The following OBSL1 variants were observed in gnomAD, a reference collection of about 807,000 sequenced individuals.
OBSL1 encodes obscurin-like protein 1.
A neutral mutation model predicts 172.0 loss-of-function variants in OBSL1; 160 were observed. The ratio of observed to expected loss-of-function variants is 0.93; its 90% confidence interval spans 0.82 to 1.06. OBSL1 has a LOEUF of 1.06. Among genes scored for constraint, OBSL1 ranks in the 50% least tolerant of loss-of-function variants. OBSL1 has a pLI of 0.00. For missense variants in OBSL1, 2,681 were observed against 2,715.4 expected, an observed-to-expected ratio of 0.99 and a Z score of 0.28; for synonymous variants, 1,200 against 1,196.3, an observed-to-expected ratio of 1.00 and a Z score of -0.06.
In OBSL1 at chr2:219,559,232, A is replaced by C. The variant is rs772148935; in HGVS notation, c.3219T>G (p.Thr1073=). 4 of 1,603,148 alleles carry C rather than the reference A, an allele frequency of 2.5e-6. No individual in the cohort carries two copies. Residue 1073 remains threonine, a synonymous_variant, in exon 9 of 21, where the codon ACT becomes ACG. Transcript: ENST00000404537. ...GCTGCAGAGACTGCCCACCTGTGAC[A>C]GTGACAGTGAAGAAGGCCGAGTCAT... ...AGDDSAFFTV[T]VTAPPERIVH... is the part of the protein sequence containing the mutation.
chr2:219,570,733 G>T lies in OBSL1; in HGVS notation c.500C>A (p.Ala167Asp). Residue 167 changes from alanine (A) to aspartate (D), a missense_variant, in exon 1 of 21, where the codon GCC becomes GAC. By Grantham distance (126) the Ala-to-Asp change is moderately radical. This residue lies in a region of OBSL1 where 706 missense variants were observed against 695.8 expected (regional missense o/e 1.01). Transcript: ENST00000404537. ...PTLYWEKDGMALDEVWDSSHF... is the reference protein window; with the variant it reads ...PTLYWEKDGMDLDEVWDSSHF... ...GCTGCTGTCCCACACTTCGTCCAGG[G>T]CCATCCCGTCCTTCTCCCAGTACAG... The T allele has an allele frequency of 6.6e-7, 1 of 1,510,676 alleles. No individual in the cohort carries two copies. The highest frequency in any genetic ancestry group is 8.8e-7 in the Non-Finnish European group (1 of 1,136,434). The allele number at this position is 1,510,676 out of a possible 1,614,324, so 93.6% of individuals were successfully genotyped here.
At chr2:219,561,840 AG>A in intron 8 of OBSL1, 1 of 716,524 alleles carries the variant, frequency 1.4e-6, no homozygotes, top group Non-Finnish European at 2.6e-6. Flanking sequence ...AATGGCAGGG[AG>A]GTGGGACAGA....
Position 219,571,271 on chromosome 2 carries a change from G to A in OBSL1, c.-39C>T. ...CGCCTGCAGCGGCGAACGGTGGGGG[G>A]GCAGGGGGGGGTGCGGAGGGCGAGC... On this transcript the variant is annotated 5_prime_UTR_variant, in exon 1 of 21. Transcript: ENST00000404537. 2 of 1,169,502 alleles carry A rather than the reference G, an allele frequency of 1.7e-6. No homozygotes were observed. The highest frequency in any genetic ancestry group is 2.2e-6 in the Non-Finnish European group (2 of 921,478). 72.4% of individuals were successfully genotyped at this position (1,169,502 alleles called of 1,614,324 possible).
At chr2:219,548,151 C>T, downstream of OBSL1, 1 of 1,367,002 alleles carries the variant, frequency 7.3e-7, no homozygotes, top group African/African-American at 1.4e-5. Context: ...GGCCAAGTGA[C>T]TGGGGAGTGG....
intron 19 of OBSL1, 137 bp from the exon 20 acceptor site, chr2:219,551,935 A>G (rs1363335838): frequency 1.4e-5 from 12 of 870,362 alleles, no homozygotes; most frequent in Non-Finnish European, 2.2e-5. Context: ...TGCACCTCAG[A>G]CCCAAAGTCT....
intron 8 of OBSL1, among the ~76,000 whole-genome samples, chr2:219,561,387 T>C (rs1297603960): frequency 6.6e-6 from 1 of 152,068 alleles, no homozygotes; most frequent in Non-Finnish European, 1.5e-5. Flanking sequence ...TCCACAGTTG[T>C]CCTGTGCTTC....
At position 219,559,376 on chromosome 2, in the gene OBSL1, A is replaced by T; in HGVS notation, c.3075T>A (p.Asp1025Glu). Residue 1025 changes from aspartate to glutamate, a missense_variant, in exon 9 of 21, where the codon GAT becomes GAA. Coordinates refer to ENST00000404537, the MANE Select transcript of OBSL1 (RefSeq NM_015311.3). ...CCTCGCTCTCCTCCACTTCCAGCCC[A>T]TCCTTGTACCAGCGCACAGGGGCAT... Reference protein sequence around the residue: ...REDAPVRWYKDGLEVEESEAL... With the variant: ...REDAPVRWYKEGLEVEESEAL... 1 of 1,613,880 alleles carries T rather than the reference A, an allele frequency of 6.2e-7. No individual in the cohort carries two copies. The highest frequency in any genetic ancestry group is 1.3e-5 in the African/African-American group (1 of 74,988).
chr2:219,554,384 G>A, intron 15 of OBSL1, 90 bp downstream of exon 15: 1 of 1,436,230 alleles, frequency 7.0e-7, no homozygotes, highest in Non-Finnish European at 9.6e-7. Context: ...ATGGTCAGTG[G>A]GGGTCACACG....
At chr2:219,558,674 G>A (rs945880598) in intron 9 of OBSL1, among the ~76,000 whole-genome samples, 2 of 152,178 alleles carry the variant, frequency 1.3e-5, no homozygotes, top group African/African-American at 4.8e-5. Flanking sequence ...GTGCACAGCT[G>A]CTGGCTGCAC....
intron 8 of OBSL1, chr2:219,561,806 G>C (rs1696490862): frequency 2.8e-6 from 2 of 706,662 alleles, no homozygotes; most frequent in Admixed American, 4.0e-5. Context: ...AGCGGCTGAA[G>C]CAGTCTGGGG....
At chr2:219,563,072 C>T in intron 7 of OBSL1, 1 of 502,336 alleles carries the variant, frequency 2.0e-6, no homozygotes, top group Non-Finnish European at 3.5e-6. Context: ...AGACTCTGCC[C>T]TACCCTGCAA....
At chr2:219,559,749 A>C (rs755049308) in intron 8 of OBSL1, 2 of 488,770 alleles carry the variant, frequency 4.1e-6, no homozygotes, top group Non-Finnish European at 7.3e-6. Context: ...CCCCCACGGG[A>C]GCCTCCCCCT....
intron 16 of OBSL1, 105 bp from the exon 17 acceptor site, chr2:219,553,129 C>A (rs1695756258): frequency 5.2e-6 from 7 of 1,346,538 alleles, no homozygotes; most frequent in Non-Finnish European, 6.8e-6. Context: ...GGTCTCGAGG[C>A]GCGTTTATGC....
chr2:219,570,629 G>C lies in OBSL1; in HGVS notation c.604C>G (p.Pro202Ala). 6.6e-7 allele frequency: 1 copy of C among 1,510,066 alleles called. No homozygotes were observed. Among genetic ancestry groups the C allele is most frequent in the Non-Finnish European group, 8.8e-7 (1 of 1,134,556 alleles). 93.5% of individuals were successfully genotyped at this position (1,510,066 alleles called of 1,614,324 possible). A position where few individuals can be genotyped will look rare whatever the true frequency, so the allele number is the denominator to read the frequency against. The change falls in exon 1 of 21, where the codon CCG (proline) becomes GCG (alanine). Residue 202 changes from proline to alanine, a missense_variant. Physicochemically the swap from Pro to Ala is conservative, Grantham distance 27 (BLOSUM62 -1). Around this residue, in one of 5 missense-constraint regions of OBSL1, gnomAD observed 706 missense variants for 695.8 expected, o/e 1.01. Transcript: ENST00000404537. The stretch of plus-strand genomic sequence containing the variant: ...TGGCACACGTAGACGCCGGAATCCG[G>C]CAGCCGAGCCGCCAGGATGCGCAGT... ...LALRILAARL[P>A]DSGVYVCHAR... is the part of the protein sequence containing the mutation.
intron 5 of OBSL1, among the ~76,000 whole-genome samples, 171 bp from the exon 6 acceptor site, chr2:219,565,685 C>G (rs1292400353): frequency 3.3e-5 from 5 of 152,168 alleles, no homozygotes; most frequent in Non-Finnish European, 4.4e-5. Context: ...CCTAGGGAGC[C>G]TGCTAAAAAT....
intron 8 of OBSL1, among the ~76,000 whole-genome samples, chr2:219,561,157 CA>C (rs983065465): frequency 1.8e-4 from 27 of 152,044 alleles, no homozygotes; most frequent in African/African-American, 6.5e-4. Flanking sequence ...GTGCAAGGAG[CA>C]GGGGGGCCCT....
intron 7 of OBSL1, 105 bp from the exon 8 acceptor site, chr2:219,562,779 A>T: frequency 7.8e-7 from 1 of 1,288,474 alleles, no homozygotes; most frequent in Non-Finnish European, 1.1e-6. Context: ...TGTGTTGAAG[A>T]GGGACCTTCC....
At position 219,550,807 on chromosome 2, in the gene OBSL1, G is replaced by A; in HGVS notation, c.*28C>T. The A allele has an allele frequency of 1.9e-6, 3 of 1,609,422 alleles. No individual in the cohort carries two copies. Among genetic ancestry groups the A allele is most frequent in the Non-Finnish European group, 2.5e-6 (3 of 1,178,014 alleles). On this transcript the variant is annotated 3_prime_UTR_variant, in exon 21 of 21. Transcript: ENST00000404537. ...GCAAACGCCTTCCAAGCTGTCCAAGGGCACCCGCCTGGCCTGGTTAGGTTC... is the reference window on the plus strand; with the variant it reads ...GCAAACGCCTTCCAAGCTGTCCAAGAGCACCCGCCTGGCCTGGTTAGGTTC...
At chr2:219,549,035 G>A (rs1377000845), downstream of OBSL1, 1 of 1,103,368 alleles carries the variant, frequency 9.1e-7, no homozygotes, top group East Asian at 2.4e-5. Flanking sequence ...GGGAGTAAGG[G>A]GTTATGGACA....
Sources: gnomAD v4.1 joint callset for allele counts (sites outside exome capture counted in the v4.1 genomes callset) on GRCh38, gnomAD v4.1.1 for gene constraint, gnomAD v4.1.1 regional missense constraint, MANE v1.5 for transcripts, NCBI Gene and HGNC (gene_info 2026-07-23, HGNC 2026-07-21) for gene names.